EMID1: variants seen among roughly 807,000 people sequenced by gnomAD.
EMID1 encodes EMI domain containing 1.
In EMID1, 40 loss-of-function variants were observed where a neutral mutation model predicts 60.6. The ratio of observed to expected loss-of-function variants is 0.66; its 90% CI spans 0.51 to 0.86. EMID1 has a LOEUF of 0.86. Among genes scored for constraint, EMID1 ranks in the 40% least tolerant of loss-of-function variants. The pLI, the probability that EMID1 is intolerant of heterozygous loss-of-function variation, is 0.00. For synonymous variants in EMID1, 242 were observed against 231.0 expected (o/e 1.05, Z -0.43); for missense variants, 585 against 597.1 (o/e 0.98, Z 0.21).
At chr22:29,223,831 A>C (rs2040393961) in intron 3 of EMID1, among the ~76,000 whole-genome samples, 1 of 152,216 alleles carries the variant, frequency 6.6e-6, no homozygotes. Flanking sequence ...CACAGTTAAG[A>C]CTATGTATGT....
intron 1 of EMID1, among the ~76,000 whole-genome samples, chr22:29,207,251 CAG>C (rs1158968969): frequency 6.6e-6 from 1 of 152,214 alleles, no homozygotes; most frequent in Non-Finnish European, 1.5e-5. Flanking sequence ...TTGTCTGAGA[CAG>C]GGGTGGACGT....
intron 3 of EMID1, among the ~76,000 whole-genome samples, chr22:29,219,752 A>G (rs1346118017): frequency 1.3e-5 from 2 of 152,168 alleles, no homozygotes; most frequent in African/African-American, 4.8e-5. Context: ...ACTGCACTCC[A>G]GCTTAGGTGA....
At position 29,234,134 on chromosome 22, in the gene EMID1, C is replaced by T. The variant is rs1205612905; in HGVS notation, c.967-3C>T. 1 of 1,582,804 alleles carries T rather than the reference C, an allele frequency of 6.3e-7. No individual in the cohort carries two copies. On this transcript the variant is annotated splice_polypyrimidine_tract_variant and splice_region_variant and intron_variant, in intron 10 of 14. Transcript: ENST00000334018. ...AAGGCTGAGGCCCTGTCTTGTTGCT[C>T]AGGGACCCCCAGGCCCCACTGGACC...
Position 29,232,312 on chromosome 22 carries a change from G to A in EMID1, c.733G>A (p.Glu245Lys). The A allele has an allele frequency of 1.2e-6, 2 of 1,611,038 alleles. No homozygotes were observed. Among genetic ancestry groups the A allele is most frequent in the Non-Finnish European group, 1.7e-6 (2 of 1,179,606 alleles). Residue 245 changes from glutamate to lysine, a missense_variant, in exon 8 of 15, where the codon GAG (glutamate) becomes AAG (lysine). Transcript: ENST00000334018. Reference sequence around the variant, plus strand: ...GGCTGGAGCTGTGGGCACCCCTGGAGAGAGGGGACCTCCTGGGCCACCAGG... The same window carrying A: ...GGCTGGAGCTGTGGGCACCCCTGGAAAGAGGGGACCTCCTGGGCCACCAGG... ...GRAGAVGTPG[E>K]RGPPGPPGPP...
At chr22:29,231,325 G>A in intron 6 of EMID1, 185 bp downstream of exon 6, 1 of 976,942 alleles carries the variant, frequency 1.0e-6, no homozygotes, top group Non-Finnish European at 1.5e-6. Context: ...GAATGCTGCA[G>A]TCCCTGGAGA....
At chr22:29,216,637 T>G in intron 3 of EMID1, 2 of 985,386 alleles carry the variant, frequency 2.0e-6, no homozygotes, top group Non-Finnish European at 2.4e-6. Context: ...GGCTCACAGG[T>G]GTTTCTTGGG....
Position 29,215,173 on chromosome 22 carries a change from G to C in EMID1, c.215+134G>C. 10 of 1,421,970 alleles carry C rather than the reference G, an allele frequency of 7.0e-6. No individual in the cohort carries two copies. The South Asian group carries it at 1.6e-4, about 22-fold the overall frequency. 88.1% of individuals were successfully genotyped at this position (1,421,970 alleles called of 1,614,324 possible). A position where few individuals can be genotyped will look rare whatever the true frequency, so the allele number is the denominator to read the frequency against. ...GGTGGGCGGAGCAAAGGTAGCATCA[G>C]CCGACACCATTCTCAGCCTATCCCC... On this transcript the variant is annotated intron_variant, in intron 2 of 14. Transcript: ENST00000334018.
chr22:29,250,561 C>CTT (rs112503246), intron 13 of EMID1, among the ~76,000 whole-genome samples: 40 of 148,058 alleles, frequency 2.7e-4, no homozygotes, highest in Middle Eastern at 3.5e-3. Flanking sequence ...TTTATTTTAT[C>CTT]TTTTTTTTTT....
rs566470492 is a variant in EMID1, at chr22:29,255,578, G to C, written c.1204+1291G>C. ...TGTGCCAGGCACCTTGCTGGGACAG[G>C]CTCCACAAGATAAGACAGACACAGT... On this transcript the variant is annotated intron_variant, in intron 14 of 14. Coordinates refer to ENST00000334018, the MANE Select transcript of EMID1 (RefSeq NM_133455.4). The C allele has an allele frequency of 1.4e-5, 6 of 417,290 alleles. No homozygotes were observed. The South Asian group carries it at 4.6e-4, about 32-fold the overall frequency. The allele number at this position is 417,290 out of a possible 1,614,324, so 25.8% of individuals were successfully genotyped here. A position where few individuals can be genotyped will look rare whatever the true frequency, so the allele number is the denominator to read the frequency against.
At chr22:29,244,742 A>G (rs1019446164) in intron 13 of EMID1, among the ~76,000 whole-genome samples, 35 of 139,216 alleles carry the variant, frequency 2.5e-4, no homozygotes, top group Non-Finnish European at 5.6e-4. Context: ...CTACTCACCC[A>G]AGAGACGTGG....
At chr22:29,234,068 T>G in intron 10 of EMID1, 69 bp from the exon 11 acceptor site, 1 of 1,537,914 alleles carries the variant, frequency 6.5e-7, no homozygotes. Context: ...CCCCAACACC[T>G]CTGTTCCCAA....
intron 3 of EMID1, chr22:29,216,443 G>A: frequency 2.0e-6 from 2 of 985,468 alleles, no homozygotes; most frequent in Non-Finnish European, 2.4e-6. Flanking sequence ...TAAAGAGGAT[G>A]GGCTGGCCCA....
intron 13 of EMID1, among the ~76,000 whole-genome samples, chr22:29,250,313 T>C (rs1049095753): frequency 6.6e-5 from 10 of 152,212 alleles, no homozygotes; most frequent in South Asian, 2.1e-4. Context: ...CTGCGTTTGG[T>C]TGTCACATTT....
chr22:29,228,104 C>T (rs561353836), intron 5 of EMID1, among the ~76,000 whole-genome samples: 3 of 146,924 alleles, frequency 2.0e-5, no homozygotes, highest in East Asian at 4.0e-4. Flanking sequence ...TGCAGTGAGC[C>T]GAGATTGTGC....
intron 13 of EMID1, among the ~76,000 whole-genome samples, chr22:29,253,387 A>T (rs982228082): frequency 6.6e-6 from 1 of 152,260 alleles, no homozygotes; most frequent in African/African-American, 2.4e-5. Context: ...GTTCCAGACC[A>T]GCCTGACCAA....
chr22:29,259,355 C>A lies in EMID1; in HGVS notation c.*411C>A. On this transcript the variant is annotated 3_prime_UTR_variant, in exon 15 of 15. Coordinates refer to ENST00000334018, the MANE Select transcript of EMID1 (RefSeq NM_133455.4). ...AAACCTCGGGGAGCCCTCCTGTGCC[C>A]CTCCCTCCTTGTTGTCCAGTGCTGG... 1 of 215,060 alleles carries A rather than the reference C, an allele frequency of 4.6e-6. No individual in the cohort carries two copies. 13.3% of individuals were successfully genotyped at this position (215,060 alleles called of 1,614,324 possible).
intron 5 of EMID1, among the ~76,000 whole-genome samples, chr22:29,229,877 C>T (rs1568985557): frequency 6.6e-6 from 1 of 152,156 alleles, no homozygotes; most frequent in Admixed American, 6.5e-5. Flanking sequence ...CCCCACGATC[C>T]CTGAGCCCCT....
chr22:29,232,163 C>G (rs1018017964), intron 7 of EMID1, 93 bp from the exon 8 acceptor site: 2 of 1,505,588 alleles, frequency 1.3e-6, no homozygotes, highest in African/African-American at 1.4e-5. Flanking sequence ...TCTCTCATGC[C>G]CACTGCTCCA....
At chr22:29,255,629 T>TGGGG in intron 14 of EMID1, 1 of 323,940 alleles carries the variant, frequency 3.1e-6, no homozygotes, top group African/African-American at 2.1e-5. Context: ...TGTAGGGTGC[T>TGGGG]GGGGGGCTCA....
Sources: gnomAD v4.1 joint callset for allele counts (sites outside exome capture counted in the v4.1 genomes callset) on GRCh38, gnomAD v4.1.1 for gene constraint, MANE v1.5 for transcripts, NCBI Gene and HGNC (gene_info 2026-07-23, HGNC 2026-07-21) for gene names.